Variants in IGFL2 observed in about 807,000 individuals in gnomAD.
The protein encoded by IGFL2 is insulin growth factor-like family member 2.
IGFL2 carries 7 observed loss-of-function variants against 13.9 expected under a neutral mutation model. The ratio of observed to expected loss-of-function variants is 0.51; its 90% confidence interval spans 0.29 to 0.95. The LOEUF is 0.95. IGFL2 is among the 40% of genes least tolerant of loss of function. IGFL2 has a pLI of 0.08. For synonymous variants in IGFL2, 55 were observed against 55.8 expected (o/e 0.99, Z 0.07); for missense variants, 138 against 147.8 (o/e 0.93, Z 0.34).
At chr19:46,095,174 G>A in the IGFL2 span, among the ~76,000 whole-genome samples, 1 of 152,134 alleles carries the variant, frequency 6.6e-6, no homozygotes, top group Non-Finnish European at 1.5e-5. Context: ...TTTCTCCACA[G>A]CCTTGCCAGC....
the IGFL2 span, among the ~76,000 whole-genome samples, chr19:46,128,511 A>G: frequency 5.9e-5 from 9 of 152,178 alleles, no homozygotes; most frequent in East Asian, 7.7e-4. Flanking sequence ...ATTTTGAAGT[A>G]TATTTCTTCA....
the IGFL2 span, chr19:46,210,217 G>A: frequency 3.3e-5 from 5 of 152,270 alleles, no homozygotes; most frequent in Admixed American, 2.0e-4. Context: ...CGGTGCTATC[G>A]GGAGGTGACA....
At chr19:46,201,615 T>G in the IGFL2 span, among the ~76,000 whole-genome samples, 1 of 152,142 alleles carries the variant, frequency 6.6e-6, no homozygotes, top group East Asian at 1.9e-4. Context: ...CTATTATGTC[T>G]CTGCTGTGTC....
chr19:46,169,172 C>T, the IGFL2 span, among the ~76,000 whole-genome samples: 1 of 152,050 alleles, frequency 6.6e-6, no homozygotes, highest in African/African-American at 2.4e-5. Flanking sequence ...CACCAGTGCA[C>T]TCCAGTCTGG....
chr19:46,084,272 G>C, the IGFL2 span, among the ~76,000 whole-genome samples: 664 of 152,282 alleles, frequency 4.4e-3, 15 homozygotes, highest in Admixed American at 0.032. Flanking sequence ...TGCAGCTGTT[G>C]GATGAACTGT....
chr19:46,129,037 A>G, the IGFL2 span, among the ~76,000 whole-genome samples: 1 of 152,178 alleles, frequency 6.6e-6, no homozygotes, highest in Admixed American at 6.6e-5. Flanking sequence ...TTATTGGTCT[A>G]TTCAGGGACC....
the IGFL2 span, chr19:46,198,060 T>TTCCTTCCTTTCC: frequency 8.8e-6 from 1 of 113,326 alleles, no homozygotes; most frequent in Non-Finnish European, 1.7e-5. Context: ...CCTTCCTTCC[T>TTCCTTCCTTTCC]TTCCTTCCTT....
chr19:46,172,260 G>A, the IGFL2 span, among the ~76,000 whole-genome samples: 143 of 152,232 alleles, frequency 9.4e-4, 3 homozygotes, highest in Middle Eastern at 0.017. Flanking sequence ...CTACACAATC[G>A]GCAGAAGAGA....
At chr19:46,136,962 T>C in the IGFL2 span, 2 of 1,381,672 alleles carry the variant, frequency 1.4e-6, no homozygotes, top group Non-Finnish European at 2.1e-6. Flanking sequence ...TGCTACCTGC[T>C]GTATATCTGT....
At chr19:46,110,606 A>G in the IGFL2 span, among the ~76,000 whole-genome samples, 1 of 152,254 alleles carries the variant, frequency 6.6e-6, no homozygotes, top group Non-Finnish European at 1.5e-5. Context: ...TTTTATACAC[A>G]GAGAATCCAT....
At chr19:46,184,051 C>T in the IGFL2 span, among the ~76,000 whole-genome samples, 3 of 152,160 alleles carry the variant, frequency 2.0e-5, no homozygotes, top group African/African-American at 7.2e-5. Flanking sequence ...TCTTAACTTT[C>T]CAGTGATGAT....
chr19:46,080,494 T>C, the IGFL2 span, among the ~76,000 whole-genome samples: 1 of 152,270 alleles, frequency 6.6e-6, no homozygotes, highest in African/African-American at 2.4e-5. Flanking sequence ...GGAATGATTC[T>C]ATTTGAATGT....
the IGFL2 span, among the ~76,000 whole-genome samples, chr19:46,175,891 GGAGT>G: frequency 1.3e-5 from 2 of 149,298 alleles, no homozygotes; most frequent in East Asian, 3.9e-4. Flanking sequence ...CACCCAGGCT[GGAGT>G]TCAGTGGCAC....
chr19:46,168,715 T>A, the IGFL2 span, among the ~76,000 whole-genome samples: 1 of 152,308 alleles, frequency 6.6e-6, no homozygotes, highest in South Asian at 2.1e-4. Flanking sequence ...CTAAGCAGAG[T>A]GTGCATTCAG....
the IGFL2 span, among the ~76,000 whole-genome samples, chr19:46,109,881 C>T: frequency 2.5e-4 from 38 of 152,322 alleles, no homozygotes; most frequent in African/African-American, 8.9e-4. Context: ...ATTTTCACTT[C>T]TTTTGTGGAT....
the IGFL2 span, among the ~76,000 whole-genome samples, chr19:46,186,232 C>T: frequency 2.0e-5 from 3 of 152,174 alleles, no homozygotes; most frequent in Admixed American, 6.5e-5. Flanking sequence ...AGGAAACGGC[C>T]GTGGATCAGG....
chr19:46,187,464 C>T, the IGFL2 span, among the ~76,000 whole-genome samples: 8 of 130,306 alleles, frequency 6.1e-5, no homozygotes, highest in South Asian at 2.6e-4. Context: ...TGATCAGAGA[C>T]GGTAAGCATT....
At chr19:46,127,016 G>A in the IGFL2 span, among the ~76,000 whole-genome samples, 1 of 152,202 alleles carries the variant, frequency 6.6e-6, no homozygotes, top group Non-Finnish European at 1.5e-5. Flanking sequence ...AGACACACTT[G>A]AAAAGCTCCC....
At chr19:46,149,038 G>C (rs750977068) in intron 1 of IGFL2, 9 of 1,604,384 alleles carry the variant, frequency 5.6e-6, no homozygotes, top group Non-Finnish European at 6.0e-6. Flanking sequence ...AGTGTGCTGG[G>C]TAAGTAAGGG....
Sources: gnomAD v4.1 joint callset for allele counts (sites outside exome capture counted in the v4.1 genomes callset) on GRCh38, gnomAD v4.1.1 for gene constraint, MANE v1.5 for transcripts, NCBI Gene and HGNC (gene_info 2026-07-23, HGNC 2026-07-21) for gene names.